SOX6: variants seen among roughly 807,000 people sequenced by gnomAD.
SOX6 encodes transcription factor SOX-6.
Under a neutral mutation model 97.8 loss-of-function variants are expected in SOX6, and 11 were observed. The observed-to-expected ratio is 0.11, with a 90% CI of 0.07 to 0.19. The LOEUF is 0.19. Among genes scored for constraint, SOX6 ranks in the 10% least tolerant of loss-of-function variants. SOX6 has a pLI of 1.00. For missense variants in SOX6, 810 were observed against 1,039.5 expected (o/e 0.78, Z 3.04); for synonymous variants, 360 against 371.4 (o/e 0.97, Z 0.35).
intron 4 of SOX6, among the ~76,000 whole-genome samples, chr11:16,514,073 A>G (rs1275645500): frequency 6.6e-6 from 1 of 152,026 alleles, no homozygotes; most frequent in Non-Finnish European, 1.5e-5. Context: ...TAAATTAGCC[A>G]AACATGATAG....
At chr11:16,359,952 A>G (rs1857166848), upstream of SOX6, among the ~76,000 whole-genome samples, 1 of 152,196 alleles carries the variant, frequency 6.6e-6, no homozygotes, top group Non-Finnish European at 1.5e-5. Flanking sequence ...TGGTTAAGTA[A>G]TTTGACTATG....
intron 9 of SOX6, among the ~76,000 whole-genome samples, chr11:16,061,190 T>C (rs2935045): frequency 0.021 from 3,175 of 151,416 alleles, 106 homozygotes; most frequent in African/African-American, 0.073. Context: ...AAATTTTGAC[T>C]AGACAGCTGC....
chr11:16,004,636 T>A (rs921304842), intron 13 of SOX6, among the ~76,000 whole-genome samples: 14 of 151,986 alleles, frequency 9.2e-5, no homozygotes, highest in Admixed American at 7.2e-4. Flanking sequence ...AAGTGCCTAA[T>A]ATTTCTGTGG....
chr11:16,701,990 G>A (rs747422630), intron 3 of SOX6, among the ~76,000 whole-genome samples: 2 of 152,050 alleles, frequency 1.3e-5, no homozygotes, highest in African/African-American at 2.4e-5. Flanking sequence ...AAGAAGAATC[G>A]GCACTCCTCC....
intron 1 of SOX6, among the ~76,000 whole-genome samples, chr11:16,444,951 A>G (rs1463902840): frequency 1.3e-5 from 2 of 152,226 alleles, no homozygotes. Flanking sequence ...TGTAAAACTC[A>G]AAGTCATGTA....
intron 9 of SOX6, among the ~76,000 whole-genome samples, chr11:16,069,347 C>T (rs973264492): frequency 1.3e-5 from 2 of 152,114 alleles, no homozygotes; most frequent in African/African-American, 2.4e-5. Flanking sequence ...CTTTCTCTAT[C>T]GACTGTTCAT....
At chr11:16,346,552 C>G (rs1856782989) in intron 1 of SOX6, among the ~76,000 whole-genome samples, 1 of 152,044 alleles carries the variant, frequency 6.6e-6, no homozygotes, top group Admixed American at 6.6e-5. Flanking sequence ...CACCTCCTCT[C>G]CCCCAATCCA....
At chr11:16,549,854 C>T (rs542712014) in intron 4 of SOX6, among the ~76,000 whole-genome samples, 107 of 152,164 alleles carry the variant, frequency 7.0e-4, no homozygotes, top group Admixed American at 1.8e-3. Flanking sequence ...GGGCTATGTA[C>T]GTACTTTATG....
At chr11:16,090,316 A>T (rs1020942832) in intron 9 of SOX6, among the ~76,000 whole-genome samples, 1 of 152,146 alleles carries the variant, frequency 6.6e-6, no homozygotes, top group African/African-American at 2.4e-5. Flanking sequence ...TTATGTGAGA[A>T]GAGCCAACTC....
intron 3 of SOX6, among the ~76,000 whole-genome samples, chr11:16,689,044 T>A (rs565800518): frequency 6.6e-6 from 1 of 152,214 alleles, no homozygotes; most frequent in Non-Finnish European, 1.5e-5. Flanking sequence ...TATGCCCTTA[T>A]TAATTATGAT....
rs1444195789 is a variant in SOX6, at chr11:16,337,290, C to G, written c.237+3722G>C. On this transcript the variant is annotated intron_variant, in intron 2 of 15. Transcript: ENST00000683767. ...ACAAGTAGCTATACATAATTTGCACCAAAAAATTGTATGTAATCTGCAGAC... is the reference window on the plus strand; with the variant it reads ...ACAAGTAGCTATACATAATTTGCACGAAAAAATTGTATGTAATCTGCAGAC... 2.1e-4 allele frequency among the ~76,000 whole-genome samples: 32 copies of G among 151,948 alleles called. 1 individual carries two copies. Among genetic ancestry groups the G allele is most frequent in the Non-Finnish European group, 1.5e-5 (1 of 67,976 alleles).
rs1423638791 is a variant in SOX6, at chr11:16,599,938, A to G, written n.609+12143T>C. ...ATTCTGGTAAAAAGAAATACAAACA[A>G]GAAGAATAAAAATAGTTGATGCACA... On this transcript the variant is annotated intron_variant and non_coding_transcript_variant, in intron 4 of 5. Transcript: ENST00000524520. 2.6e-5 allele frequency among the ~76,000 whole-genome samples: 4 copies of G among 152,222 alleles called. No homozygotes were observed. In the East Asian group the frequency reaches 7.7e-4, roughly 29 times the overall value.
intron 4 of SOX6, among the ~76,000 whole-genome samples, chr11:16,574,771 T>A (rs12421422): frequency 0.17 from 25,989 of 151,740 alleles, 2,762 homozygotes; most frequent in East Asian, 0.32. Flanking sequence ...TCATTTTTTT[T>A]AAAAAAAGAT....
intron 7 of SOX6, among the ~76,000 whole-genome samples, chr11:16,101,106 G>A (rs2133980431): frequency 6.6e-6 from 1 of 151,702 alleles, no homozygotes; most frequent in East Asian, 2.0e-4. Context: ...ATGAGCTATA[G>A]CCATTCTTGT....
At chr11:16,718,996 A>G (rs866927119) in intron 2 of SOX6, among the ~76,000 whole-genome samples, 2,983 of 150,772 alleles carry the variant, frequency 0.02, 102 homozygotes, top group African/African-American at 0.068. Flanking sequence ...AAAAAAAAAA[A>G]AGAGAGAGAC....
intron 12 of SOX6, among the ~76,000 whole-genome samples, chr11:16,019,588 G>GTA (rs1294749868): frequency 6.6e-6 from 1 of 152,068 alleles, no homozygotes; most frequent in Non-Finnish European, 1.5e-5. Flanking sequence ...CTCTATTTAT[G>GTA]TATATATAAG....
At chr11:16,586,620 C>A (rs1848096935) in intron 4 of SOX6, among the ~76,000 whole-genome samples, 2 of 152,000 alleles carry the variant, frequency 1.3e-5, no homozygotes, top group Admixed American at 1.3e-4. Context: ...CTCCAGAGGA[C>A]AAGGTGAGAG....
chr11:16,250,132 C>T (rs7118275), intron 3 of SOX6, among the ~76,000 whole-genome samples: 118,278 of 152,050 alleles, frequency 0.78, 46,159 homozygotes, highest in Non-Finnish European at 0.8. Context: ...CTGAGCTCTG[C>T]CTCCTGTGAG....
chr11:16,354,190 A>G (rs1021238721), intron 1 of SOX6, among the ~76,000 whole-genome samples: 1 of 151,982 alleles, frequency 6.6e-6, no homozygotes, highest in Non-Finnish European at 1.5e-5. Context: ...GGGACAACAC[A>G]TCTTCCTTGA....
Sources: allele counts gnomAD v4.1 joint callset (sites outside exome capture counted in the v4.1 genomes callset), GRCh38; gene constraint gnomAD v4.1.1; transcripts MANE v1.5; gene names NCBI Gene and HGNC (gene_info 2026-07-23, HGNC 2026-07-21).